The following ZNF474 variants were observed in gnomAD, a reference collection of about 807,000 sequenced individuals.
The protein encoded by ZNF474 is 4933409D10Rik.
For missense variants in ZNF474, 511 were observed against 433.8 expected (o/e 1.18, Z -1.58); for synonymous variants, 192 against 162.2 (o/e 1.18, Z -1.39).
In ZNF474 at chr5:122,150,683, C is replaced by G. The variant is rs1005630251; in HGVS notation, c.-212-1096C>G. Among the ~76,000 whole-genome samples the G allele has an allele frequency of 2.0e-5, 3 of 152,146 alleles. No individual in the cohort carries two copies. In the South Asian group the frequency reaches 6.2e-4, roughly 31 times the overall value. ...TCTTTTTGGGGAGCCAGATTATAAA[C>G]CCACGGTAAAATTTACTCATAACTT... On this transcript the variant is annotated intron_variant, in intron 1 of 1. Coordinates refer to ENST00000296600, the MANE Select transcript of ZNF474 (RefSeq NM_207317.3).
intron 1 of ZNF474, among the ~76,000 whole-genome samples, chr5:122,142,886 C>A (rs966396485): frequency 6.6e-6 from 1 of 152,088 alleles, no homozygotes; most frequent in East Asian, 1.9e-4. Flanking sequence ...AACGTCATGG[C>A]GAGCATATCA....
chr5:122,148,726 ATTCTTTTTT>A (rs1025101018), intron 1 of ZNF474, among the ~76,000 whole-genome samples: 1 of 151,958 alleles, frequency 6.6e-6, no homozygotes, highest in African/African-American at 2.4e-5. Context: ...GGCAAAAGTG[ATTCTTTTTT>A]TTCTTTTTTT....
At chr5:122,143,251 T>G (rs1415834031) in intron 1 of ZNF474, among the ~76,000 whole-genome samples, 1 of 152,204 alleles carries the variant, frequency 6.6e-6, no homozygotes. Flanking sequence ...CACAACTTTA[T>G]TCTTCATTGT....
intron 1 of ZNF474, among the ~76,000 whole-genome samples, chr5:122,149,783 A>G (rs1756114838): frequency 6.6e-6 from 1 of 152,160 alleles, no homozygotes; most frequent in Non-Finnish European, 1.5e-5. Flanking sequence ...GGCATTCAGT[A>G]AATATTACCT....
At chr5:122,130,787 T>C (rs1755557097) in intron 1 of ZNF474, among the ~76,000 whole-genome samples, 2 of 152,192 alleles carry the variant, frequency 1.3e-5, no homozygotes, top group South Asian at 2.1e-4. Flanking sequence ...TGTGAAATGA[T>C]TACCACAATC....
intron 1 of ZNF474, chr5:122,147,855 C>T (rs920683127): frequency 6.6e-6 from 1 of 152,178 alleles, no homozygotes; most frequent in East Asian, 1.9e-4. Context: ...TTTGTCTCTC[C>T]CTTCCCATGA....
Position 122,152,689 on chromosome 5 carries a change from C to A in ZNF474, c.699C>A (p.Thr233=), listed in dbSNP as rs761428686. 14 of 1,614,150 alleles carry A rather than the reference C, an allele frequency of 8.7e-6. No homozygotes were observed. In the East Asian group the frequency reaches 2.2e-4, roughly 26 times the overall value. The part of the protein sequence containing the change: ...ICYICGKEFG[T]LSLPIHEPKC... ...ACATATGTGGTAAGGAATTTGGCAC[C>A]CTGTCCCTTCCTATTCATGAGCCCA... Residue 233 remains threonine, a synonymous_variant, in exon 2 of 2, where the codon ACC becomes ACA. Transcript: ENST00000296600.
Position 122,152,964 on chromosome 5 carries a change from G to C in ZNF474, c.974G>C (p.Gly325Ala). The C allele has an allele frequency of 6.2e-7, 1 of 1,614,002 alleles. No individual in the cohort carries two copies. The highest frequency in any genetic ancestry group is 8.5e-7 in the Non-Finnish European group (1 of 1,180,040). ...YQNLNLGSKG[G>A]LKEYTNSKQQ... Reference sequence around the variant, plus strand: ...AATTTGAATTTAGGGAGTAAAGGAGGCCTAAAAGAGTACACTAATTCCAAG... The same window carrying C: ...AATTTGAATTTAGGGAGTAAAGGAGCCCTAAAAGAGTACACTAATTCCAAG... The change falls in exon 2 of 2, where the codon GGC (glycine) becomes GCC (alanine). Residue 325 changes from glycine to alanine, a missense_variant. Coordinates refer to ENST00000296600, the MANE Select transcript of ZNF474 (RefSeq NM_207317.3).
At chr5:122,142,947 T>G (rs1164924235) in intron 1 of ZNF474, among the ~76,000 whole-genome samples, 2 of 152,152 alleles carry the variant, frequency 1.3e-5, no homozygotes, top group African/African-American at 4.8e-5. Context: ...CAGCCTGCCT[T>G]ATGGACTCTG....
At chr5:122,150,489 G>A (rs1463431119) in intron 1 of ZNF474, among the ~76,000 whole-genome samples, 4 of 152,152 alleles carry the variant, frequency 2.6e-5, no homozygotes, top group African/African-American at 9.7e-5. Flanking sequence ...ATATTACCAG[G>A]ACTGCTGGCC....
At chr5:122,139,192 A>C (rs75655397) in intron 1 of ZNF474, among the ~76,000 whole-genome samples, 5 of 152,166 alleles carry the variant, frequency 3.3e-5, no homozygotes, top group Non-Finnish European at 7.4e-5. Context: ...CCTGTTTCCA[A>C]TGTAAAATAC....
intron 1 of ZNF474, among the ~76,000 whole-genome samples, chr5:122,141,984 C>T (rs1307107947): frequency 6.6e-6 from 1 of 152,150 alleles, no homozygotes; most frequent in Non-Finnish European, 1.5e-5. Context: ...CTGCTTTCTC[C>T]AGAATATAAT....
At chr5:122,151,749 ACTT>A in intron 1 of ZNF474, 27 bp from the exon 2 acceptor site, 2 of 410,490 alleles carry the variant, frequency 4.9e-6, no homozygotes, top group Non-Finnish European at 8.6e-6. Flanking sequence ...TTACATAATA[ACTT>A]CTTATGTCTC....
chr5:122,130,139 A>G (rs1305391631), intron 1 of ZNF474, among the ~76,000 whole-genome samples: 1 of 152,190 alleles, frequency 6.6e-6, no homozygotes, highest in African/African-American at 2.4e-5. Context: ...ATTAAAGGCT[A>G]TAATTACTCA....
rs1408700818 is a variant in ZNF474 at position 122,152,115 on chromosome 5, C to A, written c.125C>A (p.Ser42Tyr). 2.5e-6 allele frequency: 4 copies of A among 1,614,072 alleles called. No homozygotes were observed. Among genetic ancestry groups the A allele is most frequent in the African/African-American group, 1.3e-5 (1 of 74,914 alleles). The stretch of plus-strand genomic sequence containing the variant: ...TCTAGTGACTCCTATTCTAGCCTTT[C>A]CCCAGAAACAGAGAGTGTTAATCCT... ...LLSSDSYSSL[S>Y]PETESVNPGE... Residue 42 changes from serine (S) to tyrosine (Y), a missense_variant, in exon 2 of 2, where the codon TCC becomes TAC. By Grantham distance (144) the Ser-to-Tyr change is moderately radical. Coordinates refer to ENST00000296600, the MANE Select transcript of ZNF474 (RefSeq NM_207317.3).
intron 1 of ZNF474, among the ~76,000 whole-genome samples, chr5:122,147,618 T>C (rs1300710051): frequency 1.4e-5 from 2 of 147,294 alleles, no homozygotes; most frequent in African/African-American, 5.0e-5. Flanking sequence ...AGTGTGAACA[T>C]GAGGTGTTCG....
At chr5:122,148,536 C>T (rs919754702) in intron 1 of ZNF474, among the ~76,000 whole-genome samples, 1 of 152,060 alleles carries the variant, frequency 6.6e-6, no homozygotes, top group African/African-American at 2.4e-5. Context: ...TCACTTTTAC[C>T]CTGTGCCCAT....
chr5:122,151,796 G>A lies in ZNF474; in HGVS notation c.-195G>A. The A allele has an allele frequency of 5.0e-6, 3 of 599,146 alleles. No individual in the cohort carries two copies. In the South Asian group the frequency reaches 6.7e-5, roughly 13 times the overall value. The allele number at this position is 599,146 out of a possible 1,614,324, so 37.1% of individuals were successfully genotyped here. A position where few individuals can be genotyped will look rare whatever the true frequency, so the allele number is the denominator to read the frequency against. On this transcript the variant is annotated 5_prime_UTR_variant, in exon 2 of 2. Coordinates refer to ENST00000296600, the MANE Select transcript of ZNF474 (RefSeq NM_207317.3). ...CTCCACAGATCTTGGAGACATCTCA[G>A]CTTTAATGAGGACTTTCCAACATTC...
chr5:122,134,799 T>C (rs1351841900), intron 1 of ZNF474, among the ~76,000 whole-genome samples: 2 of 152,156 alleles, frequency 1.3e-5, no homozygotes, highest in African/African-American at 4.8e-5. Context: ...GATAATTATA[T>C]GCAGAAGAAT....
Sources: gnomAD v4.1 joint callset for allele counts (sites outside exome capture counted in the v4.1 genomes callset) on GRCh38, gnomAD v4.1.1 for gene constraint, MANE v1.5 for transcripts, NCBI Gene and HGNC (gene_info 2026-07-23, HGNC 2026-07-21) for gene names.